The following SORCS1 variants were observed in gnomAD, a reference collection of about 807,000 sequenced individuals.
The protein encoded by SORCS1 is sortilin related VPS10 domain containing receptor 1.
A neutral mutation model predicts 146.1 loss-of-function variants in SORCS1; 60 were observed. That is an observed-to-expected ratio of 0.41 (90% confidence interval 0.33 to 0.51). SORCS1 has a LOEUF of 0.51. SORCS1 is among the 20% of genes least tolerant of loss of function. The pLI, the probability that SORCS1 is intolerant of heterozygous loss-of-function variation, is 0.21. For missense variants in SORCS1, 1,352 were observed against 1,487.6 expected, an observed-to-expected ratio of 0.91 and a Z score of 1.50; for synonymous variants, 637 against 584.0, an observed-to-expected ratio of 1.09 and a Z score of -1.31.
chr10:106,733,770 C>G (rs573698438), intron 5 of SORCS1, among the ~76,000 whole-genome samples: 4 of 152,324 alleles, frequency 2.6e-5, no homozygotes, highest in African/African-American at 9.6e-5. Flanking sequence ...TCAAGCATCT[C>G]TATCCAAAGA....
At chr10:107,101,587 C>G (rs1206395983) in intron 1 of SORCS1, among the ~76,000 whole-genome samples, 51 of 152,174 alleles carry the variant, frequency 3.4e-4, no homozygotes, top group Non-Finnish European at 2.9e-5. Context: ...GTCTCAAACT[C>G]CTGTCCTCAA....
intron 6 of SORCS1, among the ~76,000 whole-genome samples, chr10:106,729,787 G>A (rs1033758907): frequency 6.6e-6 from 1 of 152,108 alleles, no homozygotes; most frequent in African/African-American, 2.4e-5. Context: ...GACAGGAAAT[G>A]TCTTCATGCC....
At chr10:106,925,917 A>C (rs552255245) in intron 2 of SORCS1, among the ~76,000 whole-genome samples, 2 of 152,256 alleles carry the variant, frequency 1.3e-5, no homozygotes, top group Non-Finnish European at 2.9e-5. Flanking sequence ...CTGTTCCTGG[A>C]CAACTGTGTA....
At chr10:106,653,852 T>G (rs867788435) in intron 17 of SORCS1, among the ~76,000 whole-genome samples, 20 of 152,186 alleles carry the variant, frequency 1.3e-4, no homozygotes, top group African/African-American at 3.6e-4. Context: ...TTATTTCTAT[T>G]TAATATTATT....
At chr10:107,076,951 T>G (rs1442935652) in intron 1 of SORCS1, among the ~76,000 whole-genome samples, 3 of 152,200 alleles carry the variant, frequency 2.0e-5, no homozygotes, top group Non-Finnish European at 4.4e-5. Flanking sequence ...TATATTGCAG[T>G]GCTCACATCT....
chr10:106,751,960 A>G (rs1041653251), intron 5 of SORCS1, among the ~76,000 whole-genome samples: 1 of 152,224 alleles, frequency 6.6e-6, no homozygotes, highest in Admixed American at 6.5e-5. Flanking sequence ...AAGACAATAA[A>G]GAAATATATA....
chr10:107,180,421 T>C, the SORCS1 span, among the ~76,000 whole-genome samples: 1 of 152,184 alleles, frequency 6.6e-6, no homozygotes, highest in Non-Finnish European at 1.5e-5. Flanking sequence ...TCATTTTATT[T>C]GTATTTTGAA....
chr10:107,139,311 TGATATAA>T (rs1164369149), intron 1 of SORCS1, among the ~76,000 whole-genome samples: 2 of 152,162 alleles, frequency 1.3e-5, no homozygotes, highest in African/African-American at 4.8e-5. Context: ...TTAGCCATGT[TGATATAA>T]GATTGGCTTA....
chr10:107,141,628 A>G (rs992855473), intron 1 of SORCS1, among the ~76,000 whole-genome samples: 23 of 152,306 alleles, frequency 1.5e-4, no homozygotes, highest in Non-Finnish European at 7.3e-5. Flanking sequence ...TGCAGTGGTA[A>G]CGGGCATGGG....
chr10:106,865,803 C>T (rs1283546633), intron 2 of SORCS1, among the ~76,000 whole-genome samples: 2 of 151,720 alleles, frequency 1.3e-5, no homozygotes, highest in Non-Finnish European at 2.9e-5. Flanking sequence ...GAGGCCCAGG[C>T]AGGCAGATCA....
intron 25 of SORCS1, chr10:106,579,062 A>G (rs746292403): frequency 6.2e-7 from 1 of 1,611,924 alleles, no homozygotes. Context: ...ACTCAGCCGA[A>G]CAGCTGGTGG....
chr10:106,794,459 TACA>T (rs1946448407), intron 3 of SORCS1, among the ~76,000 whole-genome samples: 1 of 151,736 alleles, frequency 6.6e-6, no homozygotes, highest in Admixed American at 6.6e-5. Context: ...CCTCACTTCC[TACA>T]ACGTCCTATG....
At chr10:107,070,294 G>A (rs1410797697) in intron 1 of SORCS1, among the ~76,000 whole-genome samples, 1 of 151,818 alleles carries the variant, frequency 6.6e-6, no homozygotes, top group Non-Finnish European at 1.5e-5. Context: ...GTGGACTTAT[G>A]TTTTCAGCTC....
chr10:106,983,700 T>C (rs1446209712), intron 1 of SORCS1, among the ~76,000 whole-genome samples: 2 of 152,194 alleles, frequency 1.3e-5, no homozygotes, highest in African/African-American at 2.4e-5. Flanking sequence ...CACTAAGGAA[T>C]AGTGTTCCCT....
intron 24 of SORCS1, among the ~76,000 whole-genome samples, chr10:106,581,518 C>A (rs899222699): frequency 6.6e-6 from 1 of 152,022 alleles, no homozygotes; most frequent in South Asian, 2.1e-4. Flanking sequence ...ATCATGTACG[C>A]TTACGTTTGG....
At chr10:106,715,243 CAATT>C (rs370859053) in intron 6 of SORCS1, among the ~76,000 whole-genome samples, 89 of 152,308 alleles carry the variant, frequency 5.8e-4, no homozygotes, top group African/African-American at 2.0e-3. Context: ...TAATTAATGT[CAATT>C]AATGCATGCA....
intron 2 of SORCS1, among the ~76,000 whole-genome samples, chr10:106,919,570 C>A (rs918232789): frequency 1.3e-5 from 2 of 152,084 alleles, no homozygotes; most frequent in Non-Finnish European, 2.9e-5. Context: ...GTGTGTAACC[C>A]GCAATACCAT....
At chr10:106,718,661 C>G (rs1030615906) in intron 6 of SORCS1, among the ~76,000 whole-genome samples, 5 of 152,244 alleles carry the variant, frequency 3.3e-5, no homozygotes, top group Non-Finnish European at 5.9e-5. Context: ...GGGTGGCCAG[C>G]TTTTATTCCC....
At chr10:106,957,022 CAAAG>C (rs746179384) in intron 1 of SORCS1, among the ~76,000 whole-genome samples, 3 of 152,042 alleles carry the variant, frequency 2.0e-5, no homozygotes, top group Non-Finnish European at 4.4e-5. Flanking sequence ...TGGGAGACAG[CAAAG>C]AATTATTTGA....
Sources: allele counts gnomAD v4.1 joint callset (sites outside exome capture counted in the v4.1 genomes callset), GRCh38; gene constraint gnomAD v4.1.1; transcripts MANE v1.5; gene names NCBI Gene and HGNC (gene_info 2026-07-23, HGNC 2026-07-21).